The following DRD2 variants were observed in gnomAD, a reference collection of about 807,000 sequenced individuals.
The protein encoded by DRD2 is D(2) dopamine receptor.
A neutral mutation model predicts 38.0 loss-of-function variants in DRD2; 8 were observed. The observed-to-expected ratio is 0.21, with a 90% CI of 0.12 to 0.38. DRD2 has a LOEUF of 0.38. Ranked by LOEUF, DRD2 falls within the 10% of genes least tolerant of loss-of-function variation. The pLI, the probability that DRD2 is intolerant of heterozygous loss-of-function variation, is 1.00. For missense variants in DRD2, 403 were observed against 607.7 expected (o/e 0.66, Z 3.54); for synonymous variants, 230 against 238.6 (o/e 0.96, Z 0.33).
intron 1 of DRD2, among the ~76,000 whole-genome samples, chr11:113,433,847 C>A (rs538243976): frequency 6.6e-6 from 1 of 152,318 alleles, no homozygotes; most frequent in South Asian, 2.1e-4. Context: ...TAAACCTGGC[C>A]AGCAGTTCCC....
chr11:113,464,389 G>A (rs562116420), intron 1 of DRD2, among the ~76,000 whole-genome samples: 2 of 152,078 alleles, frequency 1.3e-5, no homozygotes, highest in Non-Finnish European at 2.9e-5. Context: ...TTCCTTTCAG[G>A]TGCCCACCAA....
chr11:113,441,994 C>T (rs984902055), intron 1 of DRD2, among the ~76,000 whole-genome samples: 1 of 151,880 alleles, frequency 6.6e-6, no homozygotes, highest in African/African-American at 2.4e-5. Flanking sequence ...CCCCACATCC[C>T]CCGTATATGG....
chr11:113,447,285 C>T (rs4245147), intron 1 of DRD2, among the ~76,000 whole-genome samples: 75,015 of 152,040 alleles, frequency 0.49, 20,202 homozygotes, highest in East Asian at 0.82. Flanking sequence ...TGATGTTGTT[C>T]TTTAAATCAT....
chr11:113,414,436 A>C lies in DRD2; in HGVS notation c.749T>G (p.Met250Arg). The C allele has an allele frequency of 1.2e-6, 2 of 1,614,190 alleles. No homozygotes were observed. The highest frequency in any genetic ancestry group is 2.2e-5 in the South Asian group (2 of 91,088). The change falls in exon 6 of 8, where the codon ATG becomes AGG. Residue 250 changes from methionine to arginine, a missense_variant. Physicochemically the swap from Met to Arg is moderately conservative, Grantham distance 91. Coordinates refer to ENST00000362072, the MANE Select transcript of DRD2 (RefSeq NM_000795.4). ...CTTCATGATAACGGTGCAGAGTTTC[A>C]TGTCCTCGGGGTGAGTACAGTTGCC... is the stretch of plus-strand genomic sequence containing the variant. ...LKGNCTHPED[M>R]KLCTVIMKSN...
intron 1 of DRD2, among the ~76,000 whole-genome samples, chr11:113,433,954 C>A (rs1389548591): frequency 6.6e-6 from 1 of 152,234 alleles, no homozygotes; most frequent in African/African-American, 2.4e-5. Flanking sequence ...GCACAGGCAG[C>A]CACATGCACC....
chr11:113,426,633 C>G (rs1177576689), intron 1 of DRD2, among the ~76,000 whole-genome samples: 1 of 152,164 alleles, frequency 6.6e-6, no homozygotes, highest in Admixed American at 6.5e-5. Flanking sequence ...TCTCCACACT[C>G]TCATCCCTGT....
intron 1 of DRD2, among the ~76,000 whole-genome samples, chr11:113,433,358 G>A (rs1172353832): frequency 1.3e-5 from 2 of 152,142 alleles, no homozygotes; most frequent in Non-Finnish European, 2.9e-5. Flanking sequence ...TGAGCCCCTG[G>A]ACTCCCCCAC....
In DRD2 at chr11:113,418,031, C is replaced by T. The variant is rs549053606; in HGVS notation, c.391G>A (p.Asp131Asn). The T allele has an allele frequency of 1.2e-6, 2 of 1,614,028 alleles. No homozygotes were observed. Among genetic ancestry groups the T allele is most frequent in the African/African-American group, 1.3e-5 (1 of 75,032 alleles). ...TTCCACCCTGGCTGGGCTCACCTGT[C>T]GATGCTGATGGCACACAAGTTCAGG... Reference protein sequence around the residue: ...SILNLCAISIDRYTAVAMPML... With the variant: ...SILNLCAISINRYTAVAMPML... Residue 131 changes from aspartate to asparagine, a missense_variant, in exon 3 of 8, where the codon GAC (aspartate) becomes AAC (asparagine). Coordinates refer to ENST00000362072, the MANE Select transcript of DRD2 (RefSeq NM_000795.4).
At position 113,414,414 on chromosome 11, in the gene DRD2, C is replaced by T; in HGVS notation, c.771G>A (p.Met257Ile). 6.2e-7 allele frequency: 1 copy of T among 1,614,192 alleles called. No individual in the cohort carries two copies. Among genetic ancestry groups the T allele is most frequent in the Non-Finnish European group, 8.5e-7 (1 of 1,180,036 alleles). ...TCACTGGGAAACTCCCATTAGACTT[C>T]ATGATAACGGTGCAGAGTTTCATGT... Reference protein sequence around the residue: ...PEDMKLCTVIMKSNGSFPVNR... With the variant: ...PEDMKLCTVIIKSNGSFPVNR... Residue 257 changes from methionine to isoleucine, a missense_variant, in exon 6 of 8, where the codon ATG becomes ATA. This residue lies in a region of DRD2 where 166 missense variants were observed against 178.6 expected (regional missense o/e 0.93). Transcript: ENST00000362072.
chr11:113,409,670 G>A lies in DRD2; in HGVS notation c.*1057C>T, dbSNP rs1298748091. ...ATGGATAGTGATGTTACAGAGTCTA[G>A]GCCCCAGGGGCTCTCCCAAGCTGCA... On this transcript the variant is annotated 3_prime_UTR_variant, in exon 8 of 8. Transcript: ENST00000362072. The A allele has an allele frequency of 2.6e-5, 4 of 152,896 alleles. No homozygotes were observed. Among genetic ancestry groups the A allele is most frequent in the Non-Finnish European group, 5.9e-5 (4 of 68,252 alleles). The allele number at this position is 152,896 out of a possible 1,614,324, so 9.5% of individuals were successfully genotyped here. A position where few individuals can be genotyped will look rare whatever the true frequency, so the allele number is the denominator to read the frequency against.
In DRD2 at chr11:113,412,742, T is replaced by G. The variant is rs1591272442; in HGVS notation, c.952A>C (p.Thr318Pro). ...PDPSHHGLHS[T>P]PDSPAKPEKN... ...TCTGGTTTGGCGGGGCTGTCGGGAGTGCTGTGGAGACCATGGTGGGACGGG... is the reference window on the plus strand; with the variant it reads ...TCTGGTTTGGCGGGGCTGTCGGGAGGGCTGTGGAGACCATGGTGGGACGGG... Residue 318 changes from threonine (T) to proline (P), a missense_variant, in exon 7 of 8, where the codon ACT (threonine) becomes CCT (proline). Thr to Pro is a conservative substitution (Grantham distance 38, BLOSUM62 -1). This residue lies in a region of DRD2 where 166 missense variants were observed against 178.6 expected (regional missense o/e 0.93). Transcript: ENST00000362072. 6.2e-7 allele frequency: 1 copy of G among 1,613,658 alleles called. No homozygotes were observed.
intron 1 of DRD2, chr11:113,425,028 C>A (rs112073587): frequency 6.6e-6 from 2 of 302,454 alleles, no homozygotes; most frequent in Non-Finnish European, 1.3e-5. Flanking sequence ...TTCTAGTCAT[C>A]GAAACAGAAA....
intron 1 of DRD2, among the ~76,000 whole-genome samples, chr11:113,473,859 C>A (rs1001090973): frequency 2.0e-5 from 3 of 152,210 alleles, no homozygotes; most frequent in Admixed American, 6.5e-5. Flanking sequence ...CAGGATGAAT[C>A]AGAGATAAGC....
intron 1 of DRD2, among the ~76,000 whole-genome samples, chr11:113,426,596 G>A (rs1162360836): frequency 6.6e-6 from 1 of 152,154 alleles, no homozygotes; most frequent in Non-Finnish European, 1.5e-5. Flanking sequence ...ATGGGTCAGA[G>A]AGGATGGTGG....
chr11:113,426,875 G>C (rs913177724), intron 1 of DRD2, among the ~76,000 whole-genome samples: 2 of 152,216 alleles, frequency 1.3e-5, no homozygotes, highest in Non-Finnish European at 2.9e-5. Flanking sequence ...CACAGCGGGA[G>C]GCCTGCATGT....
At chr11:113,462,046 G>T (rs1193657917) in intron 1 of DRD2, among the ~76,000 whole-genome samples, 1 of 152,066 alleles carries the variant, frequency 6.6e-6, no homozygotes, top group African/African-American at 2.4e-5. Flanking sequence ...TGTGCCAGCA[G>T]GTCAGTGAAT....
At chr11:113,412,136 T>A in intron 7 of DRD2, 1 of 267,888 alleles carries the variant, frequency 3.7e-6, no homozygotes, top group Non-Finnish European at 7.3e-6. Flanking sequence ...TGGATAGTGC[T>A]TTGTAGTTTA....
chr11:113,410,962 G>A (rs919425667), intron 7 of DRD2, 42 bp from the exon 8 acceptor site: 1 of 1,582,496 alleles, frequency 6.3e-7, no homozygotes. Flanking sequence ...CAGAGCCGGG[G>A]AGGCACGGCT....
chr11:113,418,253 T>C (rs1457959811), intron 2 of DRD2, 117 bp from the exon 3 acceptor site: 1 of 819,952 alleles, frequency 1.2e-6, no homozygotes, highest in Non-Finnish European at 2.1e-6. Context: ...CTGCAAGTCT[T>C]GTGGGCATCC....
Sources: allele counts gnomAD v4.1 joint callset (sites outside exome capture counted in the v4.1 genomes callset), GRCh38; gene constraint gnomAD v4.1.1; regional missense constraint gnomAD v4.1.1; transcripts MANE v1.5; gene names NCBI Gene and HGNC (gene_info 2026-07-23, HGNC 2026-07-21).